Variants in IFT140 observed in about 807,000 individuals in gnomAD.
IFT140 encodes intraflagellar transport protein 140 homolog.
A neutral mutation model predicts 164.6 loss-of-function variants in IFT140; 133 were observed. That is an observed-to-expected ratio of 0.81 (90% confidence interval 0.70 to 0.93). The LOEUF is 0.93. Among genes scored for constraint, IFT140 ranks in the 40% least tolerant of loss-of-function variants. The pLI, the probability that IFT140 is intolerant of heterozygous loss-of-function variation, is 0.00. For synonymous variants in IFT140, 860 were observed against 817.3 expected (o/e 1.05, Z -0.89); for missense variants, 2,045 against 1,972.3 (o/e 1.04, Z -0.70).
At position 1,564,232 on chromosome 16, in the gene IFT140, A is replaced by G; in HGVS notation, c.1902-70T>C. 2 of 1,378,290 alleles carry G rather than the reference A, an allele frequency of 1.5e-6. No individual in the cohort carries two copies. Among genetic ancestry groups the G allele is most frequent in the African/African-American group, 1.5e-5 (1 of 68,182 alleles). The allele number at this position is 1,378,290 out of a possible 1,614,324, so 85.4% of individuals were successfully genotyped here. A position where few individuals can be genotyped will look rare whatever the true frequency, so the allele number is the denominator to read the frequency against. ...CCTGCTACCAGTCTCCCTCCCACAC[A>G]CATTCCCGAAGCCTCCAGGTGCTGT... is the stretch of plus-strand genomic sequence containing the variant. On this transcript the variant is annotated intron_variant, in intron 16 of 30. Coordinates refer to ENST00000426508, the MANE Select transcript of IFT140 (RefSeq NM_014714.4). This position sits in a 1 kb window ranked among gnomAD's most constrained non-coding sequence, Gnocchi z 5.5.
In IFT140 at chr16:1,564,039, CTG is replaced by C; in HGVS notation, c.2023_2024del (p.Gln675ValfsTer34). On this transcript the variant is annotated frameshift_variant, in exon 17 of 31. Transcript: ENST00000426508. LOFTEE classifies it high-confidence loss of function. The surrounding 1 kb of genome is among the most constrained non-coding windows in gnomAD (Gnocchi z 5.5). Reference protein sequence around the residue: ...AVQETPRSQPQSANGQPQDGR... With the variant: ...AVQETPRSQPXSANGQPQDGR... The stretch of plus-strand genomic sequence containing the variant: ...CATCTTGGGGCTGCCCGTTTGCAGA[CTG>C]AGGCTGGGAGCGCGGCGTCTCCTGC... 2 of 1,598,338 alleles carry C rather than the reference CTG, an allele frequency of 1.3e-6. No homozygotes were observed. Among genetic ancestry groups the C allele is most frequent in the Non-Finnish European group, 1.7e-6 (2 of 1,167,650 alleles).
chr16:1,511,552 A>G (rs577951311), intron 30 of IFT140, among the ~76,000 whole-genome samples: 4 of 150,404 alleles, frequency 2.7e-5, no homozygotes, highest in Non-Finnish European at 5.9e-5. Flanking sequence ...AGTGGAGGGC[A>G]GGCAGCGATA....
At position 1,523,714 on chromosome 16, in the gene IFT140, G is replaced by C; in HGVS notation, c.3271-14C>G. ...GAAGTGGCCAGCCTGCGGATACGGT[G>C]GGCTCTGAGCAGCTGCCCGAGGCCT... On this transcript the variant is annotated splice_polypyrimidine_tract_variant and intron_variant, in intron 25 of 30. Transcript: ENST00000426508. 1 of 1,612,056 alleles carries C rather than the reference G, an allele frequency of 6.2e-7. No homozygotes were observed. Among genetic ancestry groups the C allele is most frequent in the Non-Finnish European group, 8.5e-7 (1 of 1,179,276 alleles).
intron 13 of IFT140, chr16:1,578,275 G>A (rs2034377467): frequency 6.6e-6 from 1 of 152,130 alleles, no homozygotes; most frequent in South Asian, 2.1e-4. Context: ...CATGATGGGA[G>A]CACACAAGCA....
intron 15 of IFT140, among the ~76,000 whole-genome samples, chr16:1,566,801 T>A (rs2033743729): frequency 6.6e-6 from 1 of 152,120 alleles, no homozygotes; most frequent in Admixed American, 6.5e-5. Context: ...CCCCTCAGAA[T>A]GCACCCTCGA....
intron 16 of IFT140, 56 bp downstream of exon 16, chr16:1,566,105 G>A (rs532658623): frequency 3.3e-5 from 53 of 1,583,590 alleles, no homozygotes; most frequent in African/African-American, 2.8e-4. Context: ...CCCAGAAGCC[G>A]AGAAGTAACT....
chr16:1,560,379 G>A (rs1001166916), intron 18 of IFT140, among the ~76,000 whole-genome samples: 3 of 152,190 alleles, frequency 2.0e-5, no homozygotes, highest in Non-Finnish European at 4.4e-5. Flanking sequence ...ACCCAGGTTC[G>A]CGTTTGTGTG....
intron 19 of IFT140, among the ~76,000 whole-genome samples, chr16:1,544,579 C>G (rs1596336579): frequency 6.6e-6 from 1 of 152,068 alleles, no homozygotes; most frequent in East Asian, 1.9e-4. Flanking sequence ...ATCCACCCAC[C>G]TCAGCCTCCC....
intron 3 of IFT140, among the ~76,000 whole-genome samples, chr16:1,606,429 G>T (rs1356684127): frequency 6.6e-6 from 1 of 152,240 alleles, no homozygotes; most frequent in East Asian, 1.9e-4. Context: ...CTGGGATTTG[G>T]CCTCTGTGAA....
Position 1,586,166 on chromosome 16 carries a change from G to A in IFT140, c.1119C>T (p.Thr373=), listed in dbSNP as rs759941270. The A allele has an allele frequency of 2.5e-6, 4 of 1,613,898 alleles. No homozygotes were observed. Among genetic ancestry groups the A allele is most frequent in the Non-Finnish European group, 2.5e-6 (3 of 1,180,006 alleles). Reference sequence around the variant, plus strand: ...TGATGTTTCCTTGGAGCTCGGTAGGGGTCTGAAGGGCCCACCTGTCCTTGC... The same window carrying A: ...TGATGTTTCCTTGGAGCTCGGTAGGAGTCTGAAGGGCCCACCTGTCCTTGC... The part of the protein sequence containing the change: ...AEGKDRWALQ[T]PTELQGNITQ... Residue 373 remains threonine, a synonymous_variant, in exon 10 of 31, where the codon ACC becomes ACT. Coordinates refer to ENST00000426508, the MANE Select transcript of IFT140 (RefSeq NM_014714.4).
At chr16:1,603,773 GC>G (rs1443209517) in intron 3 of IFT140, among the ~76,000 whole-genome samples, 1 of 152,206 alleles carries the variant, frequency 6.6e-6, no homozygotes, top group Non-Finnish European at 1.5e-5. Context: ...GAGCCACCGT[GC>G]CCGGCCATGT....
intron 6 of IFT140, among the ~76,000 whole-genome samples, chr16:1,590,822 G>A (rs1211960863): frequency 6.6e-6 from 1 of 152,132 alleles, no homozygotes; most frequent in Non-Finnish European, 1.5e-5. Context: ...CTGGAGTAGA[G>A]TGACATGATC....
chr16:1,543,760 T>C (rs879795977), intron 19 of IFT140, among the ~76,000 whole-genome samples: 3 of 152,098 alleles, frequency 2.0e-5, no homozygotes, highest in Non-Finnish European at 4.4e-5. Context: ...CTAGGAAAGC[T>C]CCCACGGGGC....
rs975961362 is a variant in IFT140, at chr16:1,526,611, C to A, written c.2577+8G>T. ...CTTCCCACCCACCCCATGGCGGGCG[C>A]CCCTCACCAGCATGCCCAGCTGCGT... On this transcript the variant is annotated splice_region_variant and intron_variant, in intron 20 of 30. Coordinates refer to ENST00000426508, the MANE Select transcript of IFT140 (RefSeq NM_014714.4). The A allele has an allele frequency of 3.3e-6, 5 of 1,534,248 alleles. No homozygotes were observed. The highest frequency in any genetic ancestry group is 4.3e-6 in the Non-Finnish European group (5 of 1,149,980).
intron 26 of IFT140, among the ~76,000 whole-genome samples, chr16:1,522,011 TCAGGAGTTCGAGAC>T (rs1466542760): frequency 6.7e-6 from 1 of 149,498 alleles, no homozygotes; most frequent in East Asian, 2.0e-4. Flanking sequence ...TCACCTGAGG[TCAGGAGTTCGAGAC>T]CAGCCTGACC....
chr16:1,525,353 C>T (rs578138572), intron 21 of IFT140, 27 bp from the exon 22 acceptor site: 34 of 1,564,280 alleles, frequency 2.2e-5, no homozygotes, highest in Admixed American at 1.5e-4. Context: ...CAGAGGTCCT[C>T]GTTCCCTCCC....
chr16:1,587,355 C>G (rs750029104), intron 8 of IFT140, 51 bp from the exon 9 acceptor site: 1 of 1,170,246 alleles, frequency 8.5e-7, no homozygotes, highest in East Asian at 2.3e-5. Context: ...AGTGGCGTTT[C>G]CCTCTGAGGG....
chr16:1,520,057 T>C lies in IFT140; in HGVS notation c.3874-10A>G. 4.4e-6 allele frequency: 7 copies of C among 1,605,736 alleles called. No homozygotes were observed. The highest frequency in any genetic ancestry group is 6.0e-6 in the Non-Finnish European group (7 of 1,174,858). ...ATTCATCAATCTCCACCTGTACAGATGAAACCCGTCAAGACCTGCCGGGCT... is the reference window on the plus strand; with the variant it reads ...ATTCATCAATCTCCACCTGTACAGACGAAACCCGTCAAGACCTGCCGGGCT... On this transcript the variant is annotated splice_polypyrimidine_tract_variant and intron_variant, in intron 28 of 30. Transcript: ENST00000426508.
rs778438102 is a variant in IFT140 at position 1,520,617 on chromosome 16, G to A, written c.3645C>T (p.Ala1215=). 1.4e-5 allele frequency: 22 copies of A among 1,587,984 alleles called. No individual in the cohort carries two copies. The highest frequency in any genetic ancestry group is 6.9e-5 in the Admixed American group (4 of 57,610). ...AGAGGCTCACCTTCAGCTTGTTGCCGGCCTGCGTGTACTTCTTGGTGGCCA... is the reference window on the plus strand; with the variant it reads ...AGAGGCTCACCTTCAGCTTGTTGCCAGCCTGCGTGTACTTCTTGGTGGCCA... The part of the protein sequence containing the change: ...YHLATKKYTQ[A]GNKLKAMRAL... The change falls in exon 27 of 31, where the codon GCC becomes GCT. Residue 1215 remains alanine (A), a synonymous_variant. Transcript: ENST00000426508.
Sources: gnomAD v4.1 joint callset for allele counts (sites outside exome capture counted in the v4.1 genomes callset) on GRCh38, gnomAD v4.1.1 for gene constraint, Gnocchi (gnomAD v3.1) non-coding constraint, MANE v1.5 for transcripts, NCBI Gene and HGNC (gene_info 2026-07-23, HGNC 2026-07-21) for gene names.